The following CASQ2 variants were observed in gnomAD, a reference collection of about 807,000 sequenced individuals.
CASQ2 encodes the protein calsequestrin 2, also known as calsequestrin-2.
Under a neutral mutation model 46.5 loss-of-function variants are expected in CASQ2, and 49 were observed. The ratio of observed to expected loss-of-function variants is 1.05; its 90% confidence interval spans 0.84 to 1.34. The LOEUF is 1.34. Among genes scored for constraint, CASQ2 ranks in the 40% most tolerant of loss-of-function variants. The pLI is 0.00. For missense variants in CASQ2, 486 were observed against 481.3 expected (o/e 1.01, Z -0.09); for synonymous variants, 174 against 168.5 (o/e 1.03, Z -0.25).
intron 4 of CASQ2, among the ~76,000 whole-genome samples, chr1:115,736,492 C>A (rs747133007): frequency 4.0e-5 from 6 of 151,718 alleles, no homozygotes; most frequent in Non-Finnish European, 7.4e-5. Flanking sequence ...CTAAAATTAG[C>A]CAGGCGTGGT....
At chr1:115,752,170 A>C (rs182280382) in intron 1 of CASQ2, among the ~76,000 whole-genome samples, 1 of 152,238 alleles carries the variant, frequency 6.6e-6, no homozygotes, top group East Asian at 1.9e-4. Context: ...TCTGCATTTA[A>C]ATGTCAGTTC....
chr1:115,761,661 G>A (rs1021775411), intron 1 of CASQ2, among the ~76,000 whole-genome samples: 1 of 151,410 alleles, frequency 6.6e-6, no homozygotes, highest in Non-Finnish European at 1.5e-5. Flanking sequence ...ACCGAGGCCC[G>A]AAGGAAGAAG....
At chr1:115,701,515 GC>G (rs1248934926) in intron 10 of CASQ2, 89 bp from the exon 11 acceptor site, 2 of 837,788 alleles carry the variant, frequency 2.4e-6, no homozygotes, top group African/African-American at 1.7e-5. Context: ...TATGCTGAGT[GC>G]CCCCCGACTC....
chr1:115,734,533 T>C (rs1239331724), intron 4 of CASQ2, among the ~76,000 whole-genome samples: 1 of 152,200 alleles, frequency 6.6e-6, no homozygotes, highest in Non-Finnish European at 1.5e-5. Flanking sequence ...AAACAGCAGT[T>C]GTTTTCCAAG....
intron 5 of CASQ2, among the ~76,000 whole-genome samples, chr1:115,727,884 T>C (rs1485111075): frequency 6.6e-6 from 1 of 152,242 alleles, no homozygotes; most frequent in African/African-American, 2.4e-5. Flanking sequence ...ATTTTCTCTC[T>C]GGATTAAAGC....
chr1:115,726,010 A>T (rs1437085173), intron 6 of CASQ2, among the ~76,000 whole-genome samples: 1 of 152,176 alleles, frequency 6.6e-6, no homozygotes, highest in Non-Finnish European at 1.5e-5. Flanking sequence ...TCCTTTAGGG[A>T]TATTTAGGGG....
Position 115,735,587 on chromosome 1 carries a change from T to C in CASQ2, c.533-2613A>G, listed in dbSNP as rs1317219697. 2.6e-5 allele frequency among the ~76,000 whole-genome samples: 4 copies of C among 152,362 alleles called. No homozygotes were observed. In the East Asian group the frequency reaches 5.8e-4, roughly 22 times the overall value. On this transcript the variant is annotated intron_variant, in intron 4 of 10. Coordinates refer to ENST00000261448, the MANE Select transcript of CASQ2 (RefSeq NM_001232.4). Reference sequence around the variant, plus strand: ...TTAAAATGATTCACTAGCAATTTTATTAAATTTTAAGAATGATTATTAAGA... The same window carrying C: ...TTAAAATGATTCACTAGCAATTTTACTAAATTTTAAGAATGATTATTAAGA...
At chr1:115,735,888 G>A (rs976129213) in intron 4 of CASQ2, among the ~76,000 whole-genome samples, 28 of 152,308 alleles carry the variant, frequency 1.8e-4, no homozygotes, top group African/African-American at 5.5e-4. Flanking sequence ...CAGGCCGGAC[G>A]TAGTGGCTCA....
At chr1:115,704,599 A>G (rs1316860409) in intron 9 of CASQ2, among the ~76,000 whole-genome samples, 1 of 152,192 alleles carries the variant, frequency 6.6e-6, no homozygotes, top group Non-Finnish European at 1.5e-5. Context: ...TAGTGTACAA[A>G]TGCTGTTTAT....
rs1654558887 is a variant in CASQ2, at chr1:115,711,867, CT to C, written c.838+5972del. ...ACGGGGTTTCACTATGTTGGCCAGA[CT>C]GGTCTCGAACTCCTGACCTTGTGAT... is the stretch of plus-strand genomic sequence containing the variant. On this transcript the variant is annotated intron_variant, in intron 8 of 10. Coordinates refer to ENST00000261448, the MANE Select transcript of CASQ2 (RefSeq NM_001232.4). Among the ~76,000 whole-genome samples the C allele has an allele frequency of 1.3e-5, 2 of 152,126 alleles. 1 individual carries two copies. The highest frequency in any genetic ancestry group is 4.1e-4 in the South Asian group (2 of 4,820).
intron 7 of CASQ2, among the ~76,000 whole-genome samples, chr1:115,723,368 GATGGTAAA>G (rs1234122842): frequency 5.5e-5 from 8 of 144,350 alleles, no homozygotes; most frequent in Non-Finnish European, 1.2e-4. Flanking sequence ...AGCTAGAAGG[GATGGTAAA>G]ATGTTAACAT....
At chr1:115,735,455 C>T (rs1647925751) in intron 4 of CASQ2, among the ~76,000 whole-genome samples, 1 of 152,188 alleles carries the variant, frequency 6.6e-6, no homozygotes, top group Admixed American at 6.5e-5. Context: ...TCTTGCTAAA[C>T]ACCTACTTGA....
intron 1 of CASQ2, among the ~76,000 whole-genome samples, chr1:115,760,887 G>C (rs1304014242): frequency 6.6e-6 from 1 of 152,092 alleles, no homozygotes; most frequent in East Asian, 1.9e-4. Context: ...TTAATACATA[G>C]ATGAATTTCT....
At chr1:115,717,480 C>A (rs1420237291) in intron 8 of CASQ2, among the ~76,000 whole-genome samples, 2 of 152,188 alleles carry the variant, frequency 1.3e-5, no homozygotes, top group African/African-American at 4.8e-5. Context: ...TTGCCCAGAA[C>A]CCCTTGAAGA....
At chr1:115,757,735 C>T (rs774648427) in intron 1 of CASQ2, among the ~76,000 whole-genome samples, 7 of 152,088 alleles carry the variant, frequency 4.6e-5, no homozygotes, top group Non-Finnish European at 7.3e-5. Flanking sequence ...CAATTTTACC[C>T]ATATTTTGGT....
At chr1:115,766,466 A>C (rs1404929033) in intron 1 of CASQ2, among the ~76,000 whole-genome samples, 2 of 152,242 alleles carry the variant, frequency 1.3e-5, no homozygotes, top group Non-Finnish European at 2.9e-5. Context: ...GTAAGCATTT[A>C]ATCAACATTA....
At chr1:115,717,423 A>G (rs958946101) in intron 8 of CASQ2, among the ~76,000 whole-genome samples, 1 of 152,086 alleles carries the variant, frequency 6.6e-6, no homozygotes, top group African/African-American at 2.4e-5. Context: ...TCAATCAATG[A>G]CCCCAATTTT....
At chr1:115,753,816 G>A (rs1272088770) in intron 1 of CASQ2, among the ~76,000 whole-genome samples, 2 of 152,050 alleles carry the variant, frequency 1.3e-5, no homozygotes, top group East Asian at 3.9e-4. Context: ...GGAGGTGGAG[G>A]GTCATAAAGA....
chr1:115,762,020 A>C (rs1413300767), intron 1 of CASQ2, among the ~76,000 whole-genome samples: 1 of 152,212 alleles, frequency 6.6e-6, no homozygotes, highest in Non-Finnish European at 1.5e-5. Flanking sequence ...TTGGTGAGCT[A>C]AAATGAGACC....
Sources: allele counts gnomAD v4.1 joint callset (sites outside exome capture counted in the v4.1 genomes callset), GRCh38; gene constraint gnomAD v4.1.1; transcripts MANE v1.5; gene names NCBI Gene and HGNC (gene_info 2026-07-23, HGNC 2026-07-21).